RASGRP3: variants seen among roughly 807,000 people sequenced by gnomAD.
The protein encoded by RASGRP3 is ras guanyl-releasing protein 3.
In RASGRP3, 54 loss-of-function variants were observed where a neutral mutation model predicts 82.7. The observed-to-expected ratio is 0.65, with a 90% CI of 0.52 to 0.82. The LOEUF is 0.82. Ranked by LOEUF, RASGRP3 falls within the 40% of genes least tolerant of loss-of-function variation. The pLI is 0.00. For synonymous variants in RASGRP3, 309 were observed against 300.5 expected (o/e 1.03, Z -0.29); for missense variants, 861 against 828.9 (o/e 1.04, Z -0.48).
At chr2:33,550,237 T>C (rs775703499) in intron 14 of RASGRP3, among the ~76,000 whole-genome samples, 8 of 152,214 alleles carry the variant, frequency 5.3e-5, no homozygotes, top group African/African-American at 9.7e-5. Context: ...TACTCAATGC[T>C]TGACGGTAAC....
intron 1 of RASGRP3, among the ~76,000 whole-genome samples, chr2:33,511,478 G>T (rs1425895236): frequency 6.6e-6 from 1 of 152,172 alleles, no homozygotes; most frequent in Non-Finnish European, 1.5e-5. Flanking sequence ...TGTTGCATAT[G>T]TGGGTTTTTA....
chr2:33,519,523 T>C lies in RASGRP3; in HGVS notation c.174-429T>C, dbSNP rs553548330. On this transcript the variant is annotated intron_variant, in intron 4 of 17. Coordinates refer to ENST00000403687, the MANE Select transcript of RASGRP3 (RefSeq NM_001139488.2). The stretch of plus-strand genomic sequence containing the variant: ...TAGGGAGGCTGAGGCAGGAGAGTGG[T>C]GTGAACCCGGGAGGCAGAGCTTGCA... Among the ~76,000 whole-genome samples, 4 of 152,090 alleles carry C rather than the reference T, an allele frequency of 2.6e-5. No homozygotes were observed. In the East Asian group the frequency reaches 5.8e-4, roughly 22 times the overall value.
chr2:33,503,188 A>C (rs2072199200), intron 1 of RASGRP3, among the ~76,000 whole-genome samples: 1 of 152,184 alleles, frequency 6.6e-6, no homozygotes, highest in African/African-American at 2.4e-5. Context: ...ACTGTGATTT[A>C]TGCTCTTAAA....
intron 1 of RASGRP3, among the ~76,000 whole-genome samples, chr2:33,496,195 T>C (rs1669292596): frequency 6.6e-6 from 1 of 152,208 alleles, no homozygotes; most frequent in South Asian, 2.1e-4. Flanking sequence ...CAAAGATTCA[T>C]GGTTCATTAT....
chr2:33,461,477 C>A (rs1666362101), intron 2 of RASGRP3, among the ~76,000 whole-genome samples: 1 of 152,210 alleles, frequency 6.6e-6, no homozygotes, highest in South Asian at 2.1e-4. Flanking sequence ...GGGGTTTCGC[C>A]ATGTTGGCCA....
intron 2 of RASGRP3, among the ~76,000 whole-genome samples, chr2:33,461,698 G>C (rs752151214): frequency 6.6e-6 from 1 of 152,234 alleles, no homozygotes; most frequent in African/African-American, 2.4e-5. Context: ...TTCTTACTCT[G>C]CTATGGATTC....
chr2:33,546,389 C>G (rs1014625387), intron 13 of RASGRP3, among the ~76,000 whole-genome samples: 1 of 149,878 alleles, frequency 6.7e-6, no homozygotes, highest in African/African-American at 2.5e-5. Context: ...CACCACTGCA[C>G]TCCAGCCTGG....
intron 12 of RASGRP3, among the ~76,000 whole-genome samples, chr2:33,541,827 G>T (rs1309682395): frequency 6.8e-6 from 1 of 146,438 alleles, no homozygotes; most frequent in Non-Finnish European, 1.5e-5. Flanking sequence ...TTTCTTTATG[G>T]CTTCTGACAT....
chr2:33,520,111 ACT>A (rs1158358141), intron 5 of RASGRP3, 97 bp downstream of exon 5: 3 of 1,005,696 alleles, frequency 3.0e-6, no homozygotes, highest in Non-Finnish European at 3.0e-6. Context: ...TTGACAACAG[ACT>A]CTACTCTGAT....
At chr2:33,449,442 A>G (rs1665668584) in intron 2 of RASGRP3, among the ~76,000 whole-genome samples, 1 of 152,224 alleles carries the variant, frequency 6.6e-6, no homozygotes, top group African/African-American at 2.4e-5. Flanking sequence ...GACATACAAC[A>G]GAATATTTCA....
intron 2 of RASGRP3, among the ~76,000 whole-genome samples, chr2:33,470,469 T>A (rs1666990509): frequency 6.6e-6 from 1 of 151,718 alleles, no homozygotes; most frequent in East Asian, 1.9e-4. Flanking sequence ...AAGCTCCGCC[T>A]GACGGGTTCA....
At chr2:33,473,239 T>C (rs1439373678), upstream of RASGRP3, among the ~76,000 whole-genome samples, 1 of 151,924 alleles carries the variant, frequency 6.6e-6, no homozygotes, top group Non-Finnish European at 1.5e-5. Context: ...AAAAATTAGC[T>C]GGGCGTGGTG....
chr2:33,497,355 C>T (rs541950510), intron 1 of RASGRP3, among the ~76,000 whole-genome samples: 39 of 152,290 alleles, frequency 2.6e-4, no homozygotes, highest in African/African-American at 8.7e-4. Flanking sequence ...AACTTGCAGA[C>T]TTGTGAAATC....
At chr2:33,503,592 C>CTTT (rs36120670) in intron 1 of RASGRP3, among the ~76,000 whole-genome samples, 16 of 149,868 alleles carry the variant, frequency 1.1e-4, no homozygotes, top group South Asian at 8.4e-4. Context: ...TTTAAACACA[C>CTTT]TTTTTTTTTT....
chr2:33,549,894 T>A, intron 14 of RASGRP3, 143 bp downstream of exon 14: 3 of 1,106,256 alleles, frequency 2.7e-6, no homozygotes, highest in Non-Finnish European at 3.8e-6. Flanking sequence ...AATTGAAGAT[T>A]AAACACCAAA....
chr2:33,558,635 C>A, intron 16 of RASGRP3, 37 bp from the exon 17 acceptor site: 3 of 1,516,336 alleles, frequency 2.0e-6, no homozygotes, highest in South Asian at 2.5e-5. Context: ...GTCAAGCAGT[C>A]AGATGTCAAA....
Position 33,476,690 on chromosome 2 carries a change from C to T in RASGRP3, c.-278C>T, listed in dbSNP as rs1436999165. 2 of 151,996 alleles carry T rather than the reference C, an allele frequency of 1.3e-5. No individual in the cohort carries two copies. The highest frequency in any genetic ancestry group is 2.9e-5 in the Non-Finnish European group (2 of 68,080). 9.4% of individuals were successfully genotyped at this position (151,996 alleles called of 1,614,324 possible). On this transcript the variant is annotated 5_prime_UTR_variant, in exon 1 of 18. Transcript: ENST00000403687. Reference sequence around the variant, plus strand: ...GGCAGAGTGCTGATGTGAAAAATACCACGACAAAACCACCCTAGTAAGTAA... The same window carrying T: ...GGCAGAGTGCTGATGTGAAAAATACTACGACAAAACCACCCTAGTAAGTAA...
At position 33,549,591 on chromosome 2, in the gene RASGRP3, A is replaced by C; in HGVS notation, c.1395-13A>C. On this transcript the variant is annotated splice_polypyrimidine_tract_variant and intron_variant, in intron 13 of 17. Transcript: ENST00000403687. ...ATTTAAAGATTCCCTCCCTTCTTTG[A>C]TTCTCTTAACAGGGATGGCCTAATT... 6.2e-7 allele frequency: 1 copy of C among 1,605,676 alleles called. No homozygotes were observed. Among genetic ancestry groups the C allele is most frequent in the Non-Finnish European group, 8.5e-7 (1 of 1,176,044 alleles).
chr2:33,477,136 C>T (rs13425999), intron 1 of RASGRP3, among the ~76,000 whole-genome samples: 7,463 of 152,190 alleles, frequency 0.049, 289 homozygotes, highest in East Asian at 0.16. Flanking sequence ...AACCTGAAAA[C>T]GTAGTTGTTT....
Sources: allele counts gnomAD v4.1 joint callset (sites outside exome capture counted in the v4.1 genomes callset), GRCh38; gene constraint gnomAD v4.1.1; transcripts MANE v1.5; gene names NCBI Gene and HGNC (gene_info 2026-07-23, HGNC 2026-07-21).